Variants in TMEM143 observed in about 807,000 individuals in gnomAD.
TMEM143 encodes transmembrane protein 143.
TMEM143 carries 45 observed loss-of-function variants against 40.3 expected under a neutral mutation model. The observed-to-expected ratio is 1.12, with a 90% CI of 0.88 to 1.43. TMEM143 has a LOEUF of 1.43. Among genes scored for constraint, TMEM143 ranks in the 40% most tolerant of loss-of-function variants. The pLI is 0.00. For synonymous variants in TMEM143, 299 were observed against 282.7 expected (o/e 1.06, Z -0.58); for missense variants, 620 against 613.4 (o/e 1.01, Z -0.11).
intron 6 of TMEM143, among the ~76,000 whole-genome samples, chr19:48,334,771 C>T (rs1052269906): frequency 2.6e-5 from 4 of 151,932 alleles, no homozygotes; most frequent in Non-Finnish European, 2.9e-5. Flanking sequence ...TTTGTAGAGA[C>T]GGGATTCTCC....
At chr19:48,343,582 C>T in intron 4 of TMEM143, 131 bp from the exon 5 acceptor site, 1 of 1,238,368 alleles carries the variant, frequency 8.1e-7, no homozygotes. Flanking sequence ...ACCATCTAGG[C>T]AGGGCTGTCA....
chr19:48,336,031 T>A (rs2147355016), intron 6 of TMEM143, among the ~76,000 whole-genome samples: 1 of 152,278 alleles, frequency 6.6e-6, no homozygotes, highest in East Asian at 1.9e-4. Flanking sequence ...CCTCTTCTCA[T>A]CCTTGATATT....
At chr19:48,363,170 C>A (rs562065580) in intron 2 of TMEM143, 121 bp downstream of exon 2, 5 of 1,372,192 alleles carry the variant, frequency 3.6e-6, no homozygotes, top group Non-Finnish European at 3.9e-6. Context: ...CACGAAGGGA[C>A]CCGGGAACTA....
chr19:48,351,201 A>G (rs2147376116), intron 3 of TMEM143, among the ~76,000 whole-genome samples: 1 of 152,168 alleles, frequency 6.6e-6, no homozygotes, highest in Non-Finnish European at 1.5e-5. Context: ...TGCTCCTCTC[A>G]GCCTTGTCCC....
chr19:48,337,320 G>A (rs959734986), intron 6 of TMEM143, among the ~76,000 whole-genome samples: 79 of 152,132 alleles, frequency 5.2e-4, no homozygotes, highest in Non-Finnish European at 9.0e-4. Context: ...AGGCCGAGGC[G>A]GGCGGATCAC....
At chr19:48,337,115 C>A (rs1052359823) in intron 6 of TMEM143, among the ~76,000 whole-genome samples, 13 of 152,150 alleles carry the variant, frequency 8.5e-5, no homozygotes, top group African/African-American at 3.1e-4. Context: ...GCCACTGGAC[C>A]CTGTAGCTGG....
chr19:48,350,141 C>T (rs1365804227), intron 3 of TMEM143, among the ~76,000 whole-genome samples: 1 of 151,188 alleles, frequency 6.6e-6, no homozygotes, highest in Non-Finnish European at 1.5e-5. Context: ...GCTGGGATCA[C>T]AGGAGCCCGC....
intron 2 of TMEM143, among the ~76,000 whole-genome samples, chr19:48,361,698 T>G (rs1323118288): frequency 6.6e-6 from 1 of 151,726 alleles, no homozygotes; most frequent in Non-Finnish European, 1.5e-5. Flanking sequence ...CCCGGCTAAT[T>G]TTTTGTATTT....
In TMEM143 at chr19:48,345,366, G is replaced by A. The variant is rs552278917; in HGVS notation, c.370-12C>T. 1.3e-6 allele frequency: 2 copies of A among 1,515,002 alleles called. No homozygotes were observed. The highest frequency in any genetic ancestry group is 2.3e-5 in the Admixed American group (1 of 44,216). The allele number at this position is 1,515,002 out of a possible 1,614,324, so 93.8% of individuals were successfully genotyped here. A position where few individuals can be genotyped will look rare whatever the true frequency, so the allele number is the denominator to read the frequency against. On this transcript the variant is annotated splice_polypyrimidine_tract_variant and intron_variant, in intron 3 of 7. Coordinates refer to ENST00000293261, the MANE Select transcript of TMEM143 (RefSeq NM_018273.4). ...GGGTCATATAAGGCCTAAGAGGAGA[G>A]TCAGAGAGAAAAAGATGGGATAGGT... is the stretch of plus-strand genomic sequence containing the variant.
chr19:48,342,769 G>C lies in TMEM143; in HGVS notation c.736C>G (p.Arg246Gly). 2 of 1,611,458 alleles carry C rather than the reference G, an allele frequency of 1.2e-6. No homozygotes were observed. The highest frequency in any genetic ancestry group is 1.7e-6 in the Non-Finnish European group (2 of 1,177,878). The stretch of plus-strand genomic sequence containing the variant: ...AAACTCTTCAGTACCAGGTGTCCCC[G>C]TTTGGTCCGGGCTGCCAGGACCACC... ...KRVVLAARTK[R>G]GHLVLKSFKD... Residue 246 changes from arginine to glycine, a missense_variant, in exon 6 of 8, where the codon CGG (arginine) becomes GGG (glycine). Transcript: ENST00000293261.
At chr19:48,360,407 G>C (rs1970012776) in intron 2 of TMEM143, 1 of 435,528 alleles carries the variant, frequency 2.3e-6, no homozygotes, top group Admixed American at 3.8e-5. Context: ...GTGAAATCCT[G>C]TCTCTACTAA....
intron 3 of TMEM143, among the ~76,000 whole-genome samples, chr19:48,349,889 G>C (rs1325663941): frequency 6.6e-6 from 1 of 152,040 alleles, no homozygotes. Flanking sequence ...GGTCGACACT[G>C]GCCATAGGTG....
At position 48,356,516 on chromosome 19, in the gene TMEM143, C is replaced by T. The variant is rs551364223; in HGVS notation, c.369+3556G>A. On this transcript the variant is annotated intron_variant, in intron 3 of 7. Coordinates refer to ENST00000293261, the MANE Select transcript of TMEM143 (RefSeq NM_018273.4). ...CAAAATCTCAGCTCACTGCAACCTC[C>T]GCCTCCTGGGTTCAAGCGATCTCCT... Among the ~76,000 whole-genome samples the T allele has an allele frequency of 2.9e-4, 44 of 151,338 alleles. 1 individual carries two copies. The South Asian group carries it at 6.5e-3, about 22-fold the overall frequency.
chr19:48,359,632 G>A (rs1017954322), intron 3 of TMEM143, among the ~76,000 whole-genome samples: 13 of 149,730 alleles, frequency 8.7e-5, no homozygotes, highest in South Asian at 4.3e-4. Context: ...TCAGCCTCCC[G>A]AGTAGCTGGA....
At chr19:48,356,123 CTT>C (rs1350695094) in intron 3 of TMEM143, among the ~76,000 whole-genome samples, 2 of 144,026 alleles carry the variant, frequency 1.4e-5, no homozygotes, top group Non-Finnish European at 3.1e-5. Flanking sequence ...CTTTTTTTTT[CTT>C]TTTTTTTTTT....
Position 48,339,379 on chromosome 19 carries a change from T to C in TMEM143, c.975+3151A>G, listed in dbSNP as rs576264535. On this transcript the variant is annotated intron_variant, in intron 6 of 7. Coordinates refer to ENST00000293261, the MANE Select transcript of TMEM143 (RefSeq NM_018273.4). ...CTGATCATGGACAGTAGAGAGCTCC[T>C]GTGGAAACCACAGAAGCAGAGCAGC... Among the ~76,000 whole-genome samples the C allele has an allele frequency of 1.4e-4, 21 of 152,280 alleles. No homozygotes were observed. The East Asian group carries it at 3.7e-3, about 27-fold the overall frequency.
intron 3 of TMEM143, among the ~76,000 whole-genome samples, chr19:48,351,836 C>T (rs989934813): frequency 6.6e-6 from 1 of 152,110 alleles, no homozygotes; most frequent in Non-Finnish European, 1.5e-5. Context: ...TTCCTTTTCT[C>T]CTTATTAGGT....
chr19:48,343,608 G>A (rs1969560865), intron 4 of TMEM143, among the ~76,000 whole-genome samples, 157 bp from the exon 5 acceptor site: 1 of 152,190 alleles, frequency 6.6e-6, no homozygotes, highest in Admixed American at 6.5e-5. Context: ...GGTTGTCCAT[G>A]TCGTATACTG....
rs138786665 is a variant in TMEM143 at position 48,360,296 on chromosome 19, G to A, written c.265-120C>T. On this transcript the variant is annotated intron_variant, in intron 2 of 7. Coordinates refer to ENST00000293261, the MANE Select transcript of TMEM143 (RefSeq NM_018273.4). ...CTCTGGACTTTGAAGTTTTGTTCTG[G>A]GGCTGGGCGCAGTGTCTCGCACCTG... is the stretch of plus-strand genomic sequence containing the variant. 5.3e-4 allele frequency: 544 copies of A among 1,030,562 alleles called. 4 individuals carry two copies. The African/African-American group carries it at 7.6e-3, about 14-fold the overall frequency. The allele number at this position is 1,030,562 out of a possible 1,614,324, so 63.8% of individuals were successfully genotyped here.
Sources: allele counts gnomAD v4.1 joint callset (sites outside exome capture counted in the v4.1 genomes callset), GRCh38; gene constraint gnomAD v4.1.1; transcripts MANE v1.5; gene names NCBI Gene and HGNC (gene_info 2026-07-23, HGNC 2026-07-21).